The following FABP12 variants were observed in gnomAD, a reference collection of about 807,000 sequenced individuals.
FABP12 encodes the protein fatty acid binding protein 12, also known as fatty acid-binding protein 12.
A neutral mutation model predicts 13.7 loss-of-function variants in FABP12; 19 were observed. That is an observed-to-expected ratio of 1.39 (90% CI 0.97 to 2.04). The LOEUF is 2.04. Among genes scored for constraint, FABP12 ranks in the 30% most tolerant of loss-of-function variants. FABP12 has a pLI of 0.00. For synonymous variants in FABP12, 61 were observed against 57.0 expected, an observed-to-expected ratio of 1.07 and a Z score of -0.32; for missense variants, 182 against 164.2, an observed-to-expected ratio of 1.11 and a Z score of -0.59.
At chr8:81,535,893 A>G (rs2129971730), upstream of FABP12, among the ~76,000 whole-genome samples, 1 of 152,284 alleles carries the variant, frequency 6.6e-6, no homozygotes. Context: ...TCTGCTGCCC[A>G]TCCATTCCTG....
intron 1 of FABP12, among the ~76,000 whole-genome samples, chr8:81,554,136 C>A (rs1425555028): frequency 6.6e-6 from 1 of 152,136 alleles, no homozygotes. Flanking sequence ...ATACAGCTAT[C>A]TTGAGGGTGT....
At chr8:81,575,365 T>C (rs1810020929) in intron 1 of FABP12, among the ~76,000 whole-genome samples, 2 of 152,202 alleles carry the variant, frequency 1.3e-5, no homozygotes, top group South Asian at 4.1e-4. Context: ...GCTCGTTTTA[T>C]GGCCTATCAT....
chr8:81,578,789 A>C (rs1391791221), intron 1 of FABP12, among the ~76,000 whole-genome samples: 1 of 138,214 alleles, frequency 7.2e-6, no homozygotes, highest in Non-Finnish European at 1.6e-5. Flanking sequence ...TGGCCTATTT[A>C]ATTTCCAATA....
At chr8:81,541,461 C>T (rs1039534836) in intron 1 of FABP12, among the ~76,000 whole-genome samples, 1 of 150,182 alleles carries the variant, frequency 6.7e-6, no homozygotes, top group African/African-American at 2.4e-5. Flanking sequence ...CATCTGTGTA[C>T]TTTTGAGACC....
At chr8:81,542,642 C>A (rs1437506564) in intron 1 of FABP12, among the ~76,000 whole-genome samples, 1 of 152,192 alleles carries the variant, frequency 6.6e-6, no homozygotes, top group South Asian at 2.1e-4. Flanking sequence ...ATATGCAACT[C>A]TCTGGGAGTG....
chr8:81,588,604 T>C (rs762394074), intron 1 of FABP12, among the ~76,000 whole-genome samples: 5 of 152,228 alleles, frequency 3.3e-5, no homozygotes, highest in African/African-American at 7.2e-5. Flanking sequence ...TAAGGCTAAT[T>C]TGACTTTTTC....
intron 1 of FABP12, among the ~76,000 whole-genome samples, chr8:81,566,997 A>ATT (rs1193109145): frequency 6.6e-6 from 1 of 152,214 alleles, no homozygotes; most frequent in African/African-American, 2.4e-5. Flanking sequence ...AACCAGTAGC[A>ATT]TTTCTACATG....
chr8:81,539,867 C>A (rs1176213113), intron 1 of FABP12, among the ~76,000 whole-genome samples: 11 of 152,312 alleles, frequency 7.2e-5, no homozygotes, highest in Non-Finnish European at 1.2e-4. Flanking sequence ...GTTGGGACCC[C>A]ACCTGCTGCC....
chr8:81,548,685 T>C (rs1436892526), intron 1 of FABP12, among the ~76,000 whole-genome samples: 2 of 152,152 alleles, frequency 1.3e-5, no homozygotes, highest in African/African-American at 4.8e-5. Context: ...CAACACACAG[T>C]ACAGTCTGGT....
At position 81,529,323 on chromosome 8, in the gene FABP12, A is replaced by G. The variant is rs183211316; in HGVS notation, c.246+115T>C. The G allele has an allele frequency of 5.9e-5, 61 of 1,040,748 alleles. No individual in the cohort carries two copies. The East Asian group carries it at 1.4e-3, about 23-fold the overall frequency. The allele number at this position is 1,040,748 out of a possible 1,614,324, so 64.5% of individuals were successfully genotyped here. A position where few individuals can be genotyped will look rare whatever the true frequency, so the allele number is the denominator to read the frequency against. ...TGACATCCTTAGACCTATGTTTTAG[A>G]CAAAAGTTCCTCTTAAGGACTTTAG... On this transcript the variant is annotated intron_variant, in intron 3 of 4. Transcript: ENST00000360464.
chr8:81,587,044 C>A (rs531920297), intron 1 of FABP12, among the ~76,000 whole-genome samples: 1 of 152,224 alleles, frequency 6.6e-6, no homozygotes, highest in South Asian at 2.1e-4. Context: ...ATTTGTTGAA[C>A]AGGGAGCCCT....
At chr8:81,535,410 T>C (rs1385349674), upstream of FABP12, among the ~76,000 whole-genome samples, 1 of 152,152 alleles carries the variant, frequency 6.6e-6, no homozygotes, top group Non-Finnish European at 1.5e-5. Flanking sequence ...CCTTCCCCAC[T>C]ATAATAATTC....
intron 1 of FABP12, among the ~76,000 whole-genome samples, chr8:81,552,520 G>A (rs1809537657): frequency 6.6e-6 from 1 of 152,132 alleles, no homozygotes; most frequent in African/African-American, 2.4e-5. Flanking sequence ...GAGAGTTGGA[G>A]GCAGGATGAA....
At chr8:81,571,408 G>A (rs1486708718) in intron 1 of FABP12, among the ~76,000 whole-genome samples, 1 of 152,228 alleles carries the variant, frequency 6.6e-6, no homozygotes, top group Non-Finnish European at 1.5e-5. Context: ...GATGGGGGCG[G>A]CGCAGATGTC....
intron 1 of FABP12, among the ~76,000 whole-genome samples, chr8:81,550,903 C>T (rs1291004030): frequency 6.6e-6 from 1 of 152,102 alleles, no homozygotes; most frequent in Non-Finnish European, 1.5e-5. Flanking sequence ...TGTTAAATAT[C>T]CCAGAAGAGG....
In FABP12 at chr8:81,540,392, T is replaced by C. The variant is rs1809317009; in HGVS notation, c.-184-649A>G. Among the ~76,000 whole-genome samples, 3 of 152,232 alleles carry C rather than the reference T, an allele frequency of 2.0e-5. No individual in the cohort carries two copies. The South Asian group carries it at 6.2e-4, about 31-fold the overall frequency. Reference sequence around the variant, plus strand: ...ACATTAACCACAGGATCAAGTTTAATATCCCCAGTGTAAAGTCATGCTGTC... The same window carrying C: ...ACATTAACCACAGGATCAAGTTTAACATCCCCAGTGTAAAGTCATGCTGTC... On this transcript the variant is annotated intron_variant, in intron 1 of 5. Coordinates refer to the FABP12 transcript ENST00000692030.
At chr8:81,572,184 C>T (rs1210914589) in intron 1 of FABP12, among the ~76,000 whole-genome samples, 1 of 151,984 alleles carries the variant, frequency 6.6e-6, no homozygotes, top group Non-Finnish European at 1.5e-5. Context: ...TTAGCTCCCA[C>T]ATATCAATGA....
chr8:81,525,012 A>G (rs777370625), exon 5 of FABP12: 3 of 1,407,932 alleles, frequency 2.1e-6, no homozygotes, highest in Admixed American at 1.9e-5. Flanking sequence ...TATTTAAACA[A>G]CCTCAGTAGT....
At chr8:81,565,472 A>G (rs1020034995) in intron 1 of FABP12, among the ~76,000 whole-genome samples, 3 of 152,100 alleles carry the variant, frequency 2.0e-5, no homozygotes, top group Admixed American at 6.5e-5. Context: ...AAAAAATTGA[A>G]ATTATATCGT....
Sources: allele counts gnomAD v4.1 joint callset (sites outside exome capture counted in the v4.1 genomes callset), GRCh38; gene constraint gnomAD v4.1.1; transcripts MANE v1.5; gene names NCBI Gene and HGNC (gene_info 2026-07-23, HGNC 2026-07-21).